The following INPP4B variants were observed in gnomAD, a reference collection of about 807,000 sequenced individuals.
INPP4B encodes inositol polyphosphate-4-phosphatase type II B.
A neutral mutation model predicts 122.5 loss-of-function variants in INPP4B; 55 were observed. That is an observed-to-expected ratio of 0.45 (90% confidence interval 0.36 to 0.56). The LOEUF (loss-of-function observed/expected upper bound fraction) is 0.56, where lower values mean the gene tolerates loss of function less well. Ranked by LOEUF, INPP4B falls within the 20% of genes least tolerant of loss-of-function variation. The probability of loss-of-function intolerance (pLI) is 0.00; values close to 1 mark genes in which losing one functional copy is unlikely to be tolerated. For missense variants in INPP4B, 1,000 were observed against 1,097.7 expected, an observed-to-expected ratio of 0.91 and a Z score of 1.26; for synonymous variants, 403 against 388.7, an observed-to-expected ratio of 1.04 and a Z score of -0.43.
intron 8 of INPP4B, among the ~76,000 whole-genome samples, chr4:142,308,042 T>C (rs1184713476): frequency 1.3e-5 from 2 of 152,142 alleles, no homozygotes; most frequent in Non-Finnish European, 2.9e-5. Context: ...CCGCAAGTCA[T>C]TGAATGTTTC....
intron 18 of INPP4B, among the ~76,000 whole-genome samples, chr4:142,128,368 C>CACACACACACATACACACACAT (rs1799629297): frequency 8.9e-6 from 1 of 112,570 alleles, no homozygotes; most frequent in African/African-American, 4.0e-5. Flanking sequence ...CACACACACA[C>CACACACACACATACACACACAT]ACACACACAC....
chr4:142,797,562 A>G (rs1440054394), intron 1 of INPP4B, among the ~76,000 whole-genome samples: 1 of 151,942 alleles, frequency 6.6e-6, no homozygotes, highest in East Asian at 1.9e-4. Context: ...GAATCATCAA[A>G]TTTCCCAAAC....
At chr4:142,448,580 G>A (rs1813453715) in intron 3 of INPP4B, among the ~76,000 whole-genome samples, 1 of 152,092 alleles carries the variant, frequency 6.6e-6, no homozygotes, top group African/African-American at 2.4e-5. Flanking sequence ...GGTTAAGTAA[G>A]GATCAGACAA....
chr4:142,572,829 A>G (rs1733107354), intron 2 of INPP4B, among the ~76,000 whole-genome samples: 1 of 151,754 alleles, frequency 6.6e-6, no homozygotes, highest in South Asian at 2.1e-4. Flanking sequence ...ATAGCTAACA[A>G]GCATTAAATA....
At position 142,160,565 on chromosome 4, in the gene INPP4B, G is replaced by A. The variant is rs1819614412; in HGVS notation, c.1360-4C>T. 1 of 1,587,040 alleles carries A rather than the reference G, an allele frequency of 6.3e-7. No homozygotes were observed. The highest frequency in any genetic ancestry group is 8.6e-7 in the Non-Finnish European group (1 of 1,159,596). ...AGGCATGTACAAAAAGCTCTGTCTG[G>A]AAAGAAATTGACAAGGATTAGAAAC... On this transcript the variant is annotated splice_polypyrimidine_tract_variant and splice_region_variant and intron_variant, in intron 16 of 25. Transcript: ENST00000262992.
At chr4:142,523,300 G>A (rs776844218) in intron 2 of INPP4B, among the ~76,000 whole-genome samples, 1 of 152,118 alleles carries the variant, frequency 6.6e-6, no homozygotes, top group Non-Finnish European at 1.5e-5. Context: ...ACTCAGGTTT[G>A]AGAATGTGAT....
At chr4:142,376,547 A>C (rs1791914825) in intron 7 of INPP4B, among the ~76,000 whole-genome samples, 1 of 152,180 alleles carries the variant, frequency 6.6e-6, no homozygotes, top group Non-Finnish European at 1.5e-5. Context: ...TATCTAACAC[A>C]GTTACTCTAG....
At chr4:142,305,641 A>G in intron 8 of INPP4B, 104 bp from the exon 9 acceptor site, 1 of 1,492,426 alleles carries the variant, frequency 6.7e-7, no homozygotes, top group Non-Finnish European at 9.1e-7. Flanking sequence ...GAAATATTAA[A>G]TCTATTAGCC....
At chr4:142,454,535 T>C (rs1310423285) in intron 3 of INPP4B, among the ~76,000 whole-genome samples, 2 of 152,092 alleles carry the variant, frequency 1.3e-5, no homozygotes, top group African/African-American at 4.8e-5. Flanking sequence ...TTTTGGAGTC[T>C]TTCCTGTATT....
chr4:142,222,906 T>G (rs542186443), intron 12 of INPP4B, among the ~76,000 whole-genome samples: 1 of 152,336 alleles, frequency 6.6e-6, no homozygotes, highest in East Asian at 1.9e-4. Flanking sequence ...AGAACTATCA[T>G]AGTAGCTCTG....
chr4:142,681,293 T>C (rs1230651435), intron 2 of INPP4B, among the ~76,000 whole-genome samples: 1 of 151,770 alleles, frequency 6.6e-6, no homozygotes, highest in Non-Finnish European at 1.5e-5. Flanking sequence ...TCAATGTCGT[T>C]TCCTAGCACA....
intron 1 of INPP4B, among the ~76,000 whole-genome samples, chr4:142,732,406 TTC>T (rs1296157673): frequency 1.3e-5 from 2 of 151,998 alleles, no homozygotes; most frequent in Non-Finnish European, 2.9e-5. Context: ...TTTAATTCAT[TTC>T]TTTTAATAAA....
intron 2 of INPP4B, among the ~76,000 whole-genome samples, chr4:142,531,495 A>G (rs1827610395): frequency 1.3e-5 from 2 of 152,200 alleles, no homozygotes; most frequent in African/African-American, 2.4e-5. Context: ...ATGGTATTGG[A>G]AAAGCTGCCA....
At chr4:142,118,348 C>T (rs1041491475) in intron 21 of INPP4B, among the ~76,000 whole-genome samples, 1 of 151,780 alleles carries the variant, frequency 6.6e-6, no homozygotes, top group Non-Finnish European at 1.5e-5. Context: ...CAATCTTAAG[C>T]CAAAAGAAGA....
At chr4:142,520,450 T>C (rs1825940540) in intron 2 of INPP4B, among the ~76,000 whole-genome samples, 1 of 151,972 alleles carries the variant, frequency 6.6e-6, no homozygotes, top group South Asian at 2.1e-4. Context: ...GCTTCTGACA[T>C]TAACTTGGCT....
intron 2 of INPP4B, among the ~76,000 whole-genome samples, chr4:142,645,152 T>C (rs1322810669): frequency 1.3e-5 from 2 of 152,132 alleles, no homozygotes; most frequent in African/African-American, 2.4e-5. Flanking sequence ...ATTTAAACAA[T>C]ACAAAAAGTA....
rs149511640 is a variant in INPP4B, at chr4:142,530,594, C to T, written c.-190-67868G>A. On this transcript the variant is annotated intron_variant, in intron 2 of 25. Transcript: ENST00000262992. The stretch of plus-strand genomic sequence containing the variant: ...ATATATATATACACACACACACAGA[C>T]GCACATACATACACATAAGGAAGAA... Among the ~76,000 whole-genome samples, 380 of 150,136 alleles carry T rather than the reference C, an allele frequency of 2.5e-3. 1 individual carries two copies. The highest frequency in any genetic ancestry group is 9.6e-3 in the East Asian group (49 of 5,088).
chr4:142,544,358 T>C (rs914322237), intron 2 of INPP4B, among the ~76,000 whole-genome samples: 1 of 151,862 alleles, frequency 6.6e-6, no homozygotes, highest in African/African-American at 2.4e-5. Context: ...GTTCTAGAGG[T>C]GCTTCTTCTC....
At chr4:142,778,733 A>G (rs1369535079) in intron 1 of INPP4B, among the ~76,000 whole-genome samples, 1 of 152,026 alleles carries the variant, frequency 6.6e-6, no homozygotes, top group African/African-American at 2.4e-5. Flanking sequence ...TACCACCACT[A>G]CTTTGTTGAA....
Sources: allele counts gnomAD v4.1 joint callset (sites outside exome capture counted in the v4.1 genomes callset), GRCh38; gene constraint gnomAD v4.1.1; transcripts MANE v1.5; gene names NCBI Gene and HGNC (gene_info 2026-07-23, HGNC 2026-07-21).